The following GRIP1 variants were observed in gnomAD, a reference collection of about 807,000 sequenced individuals.
GRIP1 encodes glutamate receptor-interacting protein 1.
GRIP1 carries 45 observed loss-of-function variants against 129.9 expected under a neutral mutation model. The observed-to-expected ratio is 0.35, with a 90% CI of 0.27 to 0.44. The LOEUF (loss-of-function observed/expected upper bound fraction) is 0.44. Ranked by LOEUF, GRIP1 falls within the 20% of genes least tolerant of loss-of-function variation. The probability of loss-of-function intolerance (pLI) is 1.00; values close to 1 mark genes in which losing one functional copy is unlikely to be tolerated. For missense variants in GRIP1, 1,196 were observed against 1,396.8 expected, an observed-to-expected ratio of 0.86 and a Z score of 2.29; for synonymous variants, 530 against 520.8, an observed-to-expected ratio of 1.02 and a Z score of -0.24.
chr12:66,458,955 A>C (rs549157305), intron 9 of GRIP1, among the ~76,000 whole-genome samples: 38 of 152,328 alleles, frequency 2.5e-4, no homozygotes, highest in Admixed American at 5.9e-4. Flanking sequence ...TGGCTGAAGG[A>C]GCTGCCCTCC....
intron 2 of GRIP1, among the ~76,000 whole-genome samples, chr12:66,569,686 G>C (rs1313644094): frequency 6.6e-6 from 1 of 152,116 alleles, no homozygotes; most frequent in Non-Finnish European, 1.5e-5. Context: ...CTCCACAAGT[G>C]TCCAGCAAGA....
intron 7 of GRIP1, among the ~76,000 whole-genome samples, chr12:66,486,463 G>A (rs958342783): frequency 3.9e-5 from 6 of 152,116 alleles, no homozygotes; most frequent in Admixed American, 3.9e-4. Context: ...CATGTTGTGG[G>A]AGGAACCTGG....
chr12:66,501,308 G>A (rs17102565), intron 7 of GRIP1, among the ~76,000 whole-genome samples: 7,248 of 152,186 alleles, frequency 0.048, 562 homozygotes, highest in African/African-American at 0.16. Context: ...AATACTGTTG[G>A]ACAAAGATAG....
At chr12:66,724,185 G>A (rs905835854) in intron 1 of GRIP1, among the ~76,000 whole-genome samples, 1 of 152,248 alleles carries the variant, frequency 6.6e-6, no homozygotes, top group African/African-American at 2.4e-5. Context: ...GTATCCCAGA[G>A]TGAGAAGTTC....
chr12:67,006,924 C>T (rs1310144077), intron 1 of GRIP1, among the ~76,000 whole-genome samples: 1 of 152,238 alleles, frequency 6.6e-6, no homozygotes, highest in African/African-American at 2.4e-5. Flanking sequence ...TGGCCAATCA[C>T]TGCTCACCTT....
chr12:66,501,587 A>G (rs2060394241), intron 7 of GRIP1, among the ~76,000 whole-genome samples: 1 of 152,122 alleles, frequency 6.6e-6, no homozygotes, highest in Non-Finnish European at 1.5e-5. Flanking sequence ...CTTGCCTGCT[A>G]CTCTTCTCAA....
chr12:66,784,683 AAAAAAATCTTTTTT>A (rs2038264522), intron 1 of GRIP1, among the ~76,000 whole-genome samples: 1 of 152,184 alleles, frequency 6.6e-6, no homozygotes, highest in Non-Finnish European at 1.5e-5. Context: ...CTTTCAGGAA[AAAAAAATCTTTTTT>A]AAAAACTACT....
intron 7 of GRIP1, among the ~76,000 whole-genome samples, chr12:66,512,128 G>A (rs1022213732): frequency 4.6e-5 from 7 of 152,138 alleles, no homozygotes; most frequent in Non-Finnish European, 7.4e-5. Flanking sequence ...ATGCAGACTT[G>A]TGGGTCAATT....
intron 1 of GRIP1, among the ~76,000 whole-genome samples, chr12:66,783,872 T>C (rs2038235137): frequency 6.6e-6 from 1 of 152,140 alleles, no homozygotes. Flanking sequence ...TTTCCTCACA[T>C]TCTTTCTAAA....
At chr12:66,625,098 C>T (rs1397246589) in intron 1 of GRIP1, among the ~76,000 whole-genome samples, 1 of 151,508 alleles carries the variant, frequency 6.6e-6, no homozygotes, top group Non-Finnish European at 1.5e-5. Context: ...AAGGAAGAGA[C>T]ATATGTTATT....
At chr12:66,561,231 C>A (rs893965729) in intron 2 of GRIP1, among the ~76,000 whole-genome samples, 2 of 151,942 alleles carry the variant, frequency 1.3e-5, no homozygotes, top group Non-Finnish European at 2.9e-5. Context: ...CTAATGGGTA[C>A]AAAAACATTA....
At chr12:66,905,363 T>C (rs956141492) in intron 1 of GRIP1, among the ~76,000 whole-genome samples, 7 of 149,064 alleles carry the variant, frequency 4.7e-5, no homozygotes, top group African/African-American at 1.5e-4. Context: ...GCCTAGTGCC[T>C]AGATAGAGAT....
intron 7 of GRIP1, among the ~76,000 whole-genome samples, chr12:66,483,137 A>G (rs2138583132): frequency 6.6e-6 from 1 of 152,324 alleles, no homozygotes; most frequent in Middle Eastern, 3.4e-3. Flanking sequence ...AAGGCTGTGC[A>G]TGGTAATATC....
At chr12:66,603,182 GA>G (rs55809755) in intron 1 of GRIP1, among the ~76,000 whole-genome samples, 86,481 of 146,192 alleles carry the variant, frequency 0.59, 26,014 homozygotes, top group African/African-American at 0.68. Flanking sequence ...TTGAACTTTG[GA>G]AAAAAAAAAA....
intron 1 of GRIP1, among the ~76,000 whole-genome samples, chr12:66,757,347 G>A (rs566429922): frequency 6.6e-6 from 1 of 152,180 alleles, no homozygotes; most frequent in South Asian, 2.1e-4. Flanking sequence ...GTCTTTCTGT[G>A]TCTGGCTTAT....
chr12:66,658,838 T>G (rs914341945), intron 1 of GRIP1, among the ~76,000 whole-genome samples: 2 of 151,658 alleles, frequency 1.3e-5, no homozygotes, highest in Admixed American at 1.3e-4. Flanking sequence ...GGGGGAAGAT[T>G]GCTTCAGCCT....
intron 9 of GRIP1, among the ~76,000 whole-genome samples, chr12:66,457,061 TAA>T (rs1373148467): frequency 6.6e-6 from 1 of 152,210 alleles, no homozygotes; most frequent in Non-Finnish European, 1.5e-5. Context: ...AAAATTTTAA[TAA>T]AGTTTATTTC....
intron 20 of GRIP1, among the ~76,000 whole-genome samples, chr12:66,377,888 A>G (rs1194915867): frequency 6.6e-6 from 1 of 152,026 alleles, no homozygotes; most frequent in Non-Finnish European, 1.5e-5. Flanking sequence ...TTGGAATGGG[A>G]TGGAACGTCG....
At chr12:66,520,139 A>G (rs12312692) in intron 5 of GRIP1, among the ~76,000 whole-genome samples, 1 of 152,156 alleles carries the variant, frequency 6.6e-6, no homozygotes, top group Non-Finnish European at 1.5e-5. Flanking sequence ...GATATGCTCC[A>G]TCTGCAATAT....
Sources: allele counts gnomAD v4.1 joint callset (sites outside exome capture counted in the v4.1 genomes callset), GRCh38; gene constraint gnomAD v4.1.1; transcripts MANE v1.5; gene names NCBI Gene and HGNC (gene_info 2026-07-23, HGNC 2026-07-21).